RREB1: variants seen among roughly 807,000 people sequenced by gnomAD.
RREB1 encodes ras responsive element binding protein 1, also known as ras-responsive element-binding protein 1.
A neutral mutation model predicts 117.8 loss-of-function variants in RREB1; 27 were observed. That is an observed-to-expected ratio of 0.23 (90% CI 0.17 to 0.32). The LOEUF (loss-of-function observed/expected upper bound fraction) is 0.32. RREB1 is among the 10% of genes least tolerant of loss of function. RREB1 has a pLI of 1.00. For missense variants in RREB1, 2,577 were observed against 2,378.2 expected (o/e 1.08, Z -1.74); for synonymous variants, 1,298 against 1,026.7 (o/e 1.26, Z -5.05).
chr6:7,242,706 G>C (rs1768789227), intron 11 of RREB1, among the ~76,000 whole-genome samples: 1 of 151,184 alleles, frequency 6.6e-6, no homozygotes, highest in Non-Finnish European at 1.5e-5. Flanking sequence ...AAAAAGGGGG[G>C]GGGGGAAGGA....
intron 8 of RREB1, among the ~76,000 whole-genome samples, chr6:7,224,115 G>A (rs1256772458): frequency 6.6e-6 from 1 of 151,916 alleles, no homozygotes; most frequent in Non-Finnish European, 1.5e-5. Flanking sequence ...TAAAAATCTA[G>A]GATTCTGCTT....
rs1281889561 is a variant in RREB1 at position 7,248,980 on chromosome 6, C to G, written c.*12C>G. 1.4e-6 allele frequency: 2 copies of G among 1,452,742 alleles called. No homozygotes were observed. Among genetic ancestry groups the G allele is most frequent in the South Asian group, 1.4e-5 (1 of 69,702 alleles). 90.0% of individuals were successfully genotyped at this position (1,452,742 alleles called of 1,614,324 possible). ...TGGGGATGGAGTGACAGCCTCAGTCCCCCTCAGCACAGACAAAAGCCAGCA... is the reference window on the plus strand; with the variant it reads ...TGGGGATGGAGTGACAGCCTCAGTCGCCCTCAGCACAGACAAAAGCCAGCA... On this transcript the variant is annotated 3_prime_UTR_variant, in exon 13 of 13. Transcript: ENST00000379938.
chr6:7,182,056 C>A lies in RREB1; in HGVS notation c.145C>A (p.Pro49Thr). ...GIKSPSKPPG[P>T]NRIGRRNQET... ...CAAGTCCCCCTCGAAGCCTCCAGGA[C>A]CAAATCGGATTGGCAGAAGGAACCA... is the stretch of plus-strand genomic sequence containing the variant. The change falls in exon 4 of 13, where the codon CCA becomes ACA. Residue 49 changes from proline to threonine, a missense_variant. By Grantham distance (38) the Pro-to-Thr change is conservative. Transcript: ENST00000379938. 1 of 1,614,130 alleles carries A rather than the reference C, an allele frequency of 6.2e-7. No homozygotes were observed. Among genetic ancestry groups the A allele is most frequent in the Non-Finnish European group, 8.5e-7 (1 of 1,180,028 alleles).
intron 1 of RREB1, among the ~76,000 whole-genome samples, chr6:7,135,953 T>G (rs1387531550): frequency 1.3e-5 from 2 of 152,140 alleles, no homozygotes; most frequent in African/African-American, 4.8e-5. Flanking sequence ...GTGGACCTGG[T>G]GAGAGAGGTG....
chr6:7,121,780 A>G (rs1331956993), intron 1 of RREB1, among the ~76,000 whole-genome samples: 2 of 151,994 alleles, frequency 1.3e-5, no homozygotes, highest in African/African-American at 2.4e-5. Flanking sequence ...TTTAATGGCA[A>G]ACAAAATCTT....
intron 1 of RREB1, among the ~76,000 whole-genome samples, chr6:7,119,669 A>G (rs1311472834): frequency 3.3e-5 from 5 of 152,226 alleles, no homozygotes; most frequent in Non-Finnish European, 7.3e-5. Flanking sequence ...GGTGCGGTAG[A>G]TAAGGGCTAG....
rs191172986 is a variant in RREB1, at chr6:7,126,057, A to C, written c.-285+17997A>C. Among the ~76,000 whole-genome samples the C allele has an allele frequency of 6.2e-3, 949 of 152,264 alleles. 11 individuals are homozygous for C. Among genetic ancestry groups the C allele is most frequent in the African/African-American group, 0.022 (899 of 41,540 alleles). On this transcript the variant is annotated intron_variant, in intron 1 of 12. Transcript: ENST00000379938. ...TGCTCTGTCGCCCAAGCTGGAGTGCAGTGGCACGATCTCGGCTCACTGCAA... is the reference window on the plus strand; with the variant it reads ...TGCTCTGTCGCCCAAGCTGGAGTGCCGTGGCACGATCTCGGCTCACTGCAA...
At chr6:7,192,451 C>T (rs1765462281) in intron 6 of RREB1, among the ~76,000 whole-genome samples, 1 of 152,020 alleles carries the variant, frequency 6.6e-6, no homozygotes, top group African/African-American at 2.4e-5. Context: ...CCTCAGCCTC[C>T]CAAAGTGCTG....
At chr6:7,155,951 G>A (rs1284549376) in intron 1 of RREB1, among the ~76,000 whole-genome samples, 2 of 152,164 alleles carry the variant, frequency 1.3e-5, no homozygotes, top group Non-Finnish European at 2.9e-5. Flanking sequence ...GGACAGTACC[G>A]GCTTTAACTC....
At chr6:7,198,941 G>A (rs975908385) in intron 6 of RREB1, among the ~76,000 whole-genome samples, 6 of 152,102 alleles carry the variant, frequency 3.9e-5, no homozygotes, top group Admixed American at 1.3e-4. Flanking sequence ...GAAAAAGAGC[G>A]GATATTTACA....
At chr6:7,202,481 G>C (rs980998863) in intron 6 of RREB1, among the ~76,000 whole-genome samples, 2 of 152,178 alleles carry the variant, frequency 1.3e-5, no homozygotes, top group Non-Finnish European at 2.9e-5. Flanking sequence ...TATGATTTTA[G>C]TCGTTGCCCT....
intron 1 of RREB1, among the ~76,000 whole-genome samples, chr6:7,134,366 A>G (rs768043522): frequency 2.0e-5 from 3 of 152,188 alleles, no homozygotes; most frequent in East Asian, 1.9e-4. Context: ...GTTCTCTTAC[A>G]TAGGGCACTG....
chr6:7,211,338 A>AGATGGATGGATGGATGGATGGATG (rs555086914), intron 7 of RREB1, among the ~76,000 whole-genome samples: 56 of 118,674 alleles, frequency 4.7e-4, no homozygotes, highest in South Asian at 9.8e-4. Context: ...ATGGATGGAC[A>AGATGGATGGATGGATGGATGGATG]GATGGATGGA....
chr6:7,152,041 A>G (rs1424115029), intron 1 of RREB1, among the ~76,000 whole-genome samples: 1 of 152,246 alleles, frequency 6.6e-6, no homozygotes, highest in Non-Finnish European at 1.5e-5. Context: ...ATACACAAGG[A>G]CATTGATTTG....
chr6:7,242,623 T>A (rs1768772000), intron 11 of RREB1, among the ~76,000 whole-genome samples: 1 of 136,676 alleles, frequency 7.3e-6, no homozygotes, highest in African/African-American at 2.9e-5. Flanking sequence ...GGACATGGGG[T>A]GAAGCCTTCA....
rs201983761 is a variant in RREB1, at chr6:7,231,186, C to T, written c.3087C>T (p.Leu1029=). Reference sequence around the variant, plus strand: ...CAGCCCTGGTCAGCAGCCCTCCACTCGTGGGCAGCTCAGCCCTCCTGAGTG... The same window carrying T: ...CAGCCCTGGTCAGCAGCCCTCCACTTGTGGGCAGCTCAGCCCTCCTGAGTG... ...YSSALVSSPP[L]VGSSALLSGT... is the part of the protein sequence containing the mutation. The change falls in exon 10 of 13, where the codon CTC becomes CTT. Residue 1029 remains leucine (L), a synonymous_variant. Coordinates refer to ENST00000379938, the MANE Select transcript of RREB1 (RefSeq NM_001003699.4). The T allele has an allele frequency of 1.2e-4, 188 of 1,611,552 alleles. No homozygotes were observed. The highest frequency in any genetic ancestry group is 1.5e-4 in the Non-Finnish European group (174 of 1,179,204).
intron 5 of RREB1, 100 bp from the exon 6 acceptor site, chr6:7,189,059 T>G: frequency 8.6e-7 from 1 of 1,156,548 alleles, no homozygotes; most frequent in Non-Finnish European, 1.2e-6. Context: ...GCCAAGAAAG[T>G]TGATTGGTTT....
intron 4 of RREB1, chr6:7,183,995 AT>A (rs989709092): frequency 6.6e-6 from 1 of 152,138 alleles, no homozygotes; most frequent in African/African-American, 2.4e-5. Flanking sequence ...TGCTAATTTT[AT>A]CTTTCAGCTC....
intron 10 of RREB1, among the ~76,000 whole-genome samples, chr6:7,239,342 A>AGT (rs1156336965): frequency 2.0e-5 from 3 of 152,224 alleles, no homozygotes; most frequent in Admixed American, 2.0e-4. Flanking sequence ...GGAGGAATTC[A>AGT]GTGATACACA....
Sources: allele counts gnomAD v4.1 joint callset (sites outside exome capture counted in the v4.1 genomes callset), GRCh38; gene constraint gnomAD v4.1.1; transcripts MANE v1.5; gene names NCBI Gene and HGNC (gene_info 2026-07-23, HGNC 2026-07-21).